The following PTPRD variants were observed in gnomAD, a reference collection of about 807,000 sequenced individuals.
PTPRD encodes the protein receptor-type tyrosine-protein phosphatase delta.
PTPRD carries 34 observed loss-of-function variants against 214.5 expected under a neutral mutation model. The observed-to-expected ratio is 0.16, with a 90% CI of 0.12 to 0.21. The LOEUF is 0.21. Among genes scored for constraint, PTPRD ranks in the 10% least tolerant of loss-of-function variants. The probability of loss-of-function intolerance (pLI) is 1.00; values close to 1 mark genes in which losing one functional copy is unlikely to be tolerated. For missense variants in PTPRD, 2,545 were observed against 2,398.7 expected (o/e 1.06, Z -1.27); for synonymous variants, 1,128 against 845.7 (o/e 1.33, Z -5.79).
At chr9:9,593,756 C>A (rs2093005697) in intron 7 of PTPRD, among the ~76,000 whole-genome samples, 1 of 152,018 alleles carries the variant, frequency 6.6e-6, no homozygotes, top group South Asian at 2.1e-4. Context: ...AGTCATTTTT[C>A]ACCTGATTAT....
At chr9:10,211,598 C>T (rs756599056) in intron 3 of PTPRD, among the ~76,000 whole-genome samples, 1 of 152,136 alleles carries the variant, frequency 6.6e-6, no homozygotes, top group African/African-American at 2.4e-5. Context: ...CAGAGGAACT[C>T]GTTAAAGATA....
rs971872752 is a variant in PTPRD at position 10,075,445 on chromosome 9, T to A, written c.-544-41655A>T. 7.2e-5 allele frequency among the ~76,000 whole-genome samples: 11 copies of A among 152,152 alleles called. No individual in the cohort carries two copies. In the East Asian group the frequency reaches 1.5e-3, roughly 21 times the overall value. On this transcript the variant is annotated intron_variant, in intron 3 of 45. Coordinates refer to ENST00000381196, the MANE Select transcript of PTPRD (RefSeq NM_002839.4). The stretch of plus-strand genomic sequence containing the variant: ...TTCCACAGTATTTCTCATCTTGTTA[T>A]TGATATAACTTTTTATAACTTATTT...
At chr9:9,221,141 G>C (rs2099955719) in intron 9 of PTPRD, among the ~76,000 whole-genome samples, 1 of 152,070 alleles carries the variant, frequency 6.6e-6, no homozygotes, top group Non-Finnish European at 1.5e-5. Context: ...AAGGCTTTAA[G>C]AGATTGCCTC....
intron 2 of PTPRD, among the ~76,000 whole-genome samples, chr9:10,558,450 T>G (rs1566927616): frequency 6.6e-6 from 1 of 152,128 alleles, no homozygotes; most frequent in Non-Finnish European, 1.5e-5. Context: ...GAGATGTACC[T>G]TCATACACAT....
At chr9:10,026,029 C>T (rs144141450) in intron 4 of PTPRD, among the ~76,000 whole-genome samples, 1 of 152,308 alleles carries the variant, frequency 6.6e-6, no homozygotes, top group African/African-American at 2.4e-5. Context: ...CAGTAGAGTT[C>T]ACCACTTGCA....
chr9:9,250,309 T>A (rs915114525), intron 9 of PTPRD, among the ~76,000 whole-genome samples: 3 of 152,090 alleles, frequency 2.0e-5, no homozygotes, highest in African/African-American at 7.2e-5. Flanking sequence ...GGCAAAAACA[T>A]CTCATCTGTG....
At chr9:9,898,991 C>A (rs543492363) in intron 5 of PTPRD, among the ~76,000 whole-genome samples, 1 of 151,934 alleles carries the variant, frequency 6.6e-6, no homozygotes, top group Non-Finnish European at 1.5e-5. Flanking sequence ...AACAAATCCC[C>A]AAAAAACTAC....
chr9:9,239,344 G>A (rs1291732434), intron 9 of PTPRD, among the ~76,000 whole-genome samples: 3 of 152,102 alleles, frequency 2.0e-5, no homozygotes, highest in East Asian at 1.9e-4. Context: ...AATGTCTTCT[G>A]AATTGTCAGC....
At chr9:10,363,989 G>A (rs992076868) in intron 2 of PTPRD, among the ~76,000 whole-genome samples, 9 of 38,056 alleles carry the variant, frequency 2.4e-4, no homozygotes, top group Non-Finnish European at 3.4e-4. Context: ...CCACATTTTC[G>A]GGTTTTTTTT....
chr9:8,755,528 T>C (rs1229079702), intron 11 of PTPRD, among the ~76,000 whole-genome samples: 5 of 119,580 alleles, frequency 4.2e-5, no homozygotes, highest in African/African-American at 2.2e-4. Context: ...AAACTCTGTC[T>C]CAAAAAAAAA....
At chr9:9,792,067 TAAAA>T (rs940130174) in intron 5 of PTPRD, among the ~76,000 whole-genome samples, 1 of 151,830 alleles carries the variant, frequency 6.6e-6, no homozygotes, top group Non-Finnish European at 1.5e-5. Context: ...CTCCAAGGAT[TAAAA>T]AAAATGTTTT....
At chr9:9,104,014 G>A (rs752594845) in intron 10 of PTPRD, among the ~76,000 whole-genome samples, 6 of 151,932 alleles carry the variant, frequency 3.9e-5, no homozygotes, top group Non-Finnish European at 7.4e-5. Flanking sequence ...AAAAGATGAA[G>A]CAGTTCTTCC....
chr9:8,538,350 T>A (rs1264832610), intron 14 of PTPRD, among the ~76,000 whole-genome samples: 1 of 151,880 alleles, frequency 6.6e-6, no homozygotes, highest in Non-Finnish European at 1.5e-5. Context: ...AAGACAAAAA[T>A]AGTAAACAAG....
chr9:8,701,137 G>T (rs1314053176), intron 12 of PTPRD, among the ~76,000 whole-genome samples: 2 of 151,982 alleles, frequency 1.3e-5, no homozygotes. Context: ...CTCCAGCCTG[G>T]ACGACAAAGC....
At chr9:9,260,104 T>C (rs539139919) in intron 9 of PTPRD, among the ~76,000 whole-genome samples, 1 of 151,852 alleles carries the variant, frequency 6.6e-6, no homozygotes, top group Non-Finnish European at 1.5e-5. Context: ...CATTGTGAAA[T>C]ATATTTTCTA....
chr9:9,962,180 A>G (rs773681321), intron 4 of PTPRD, among the ~76,000 whole-genome samples: 1 of 152,120 alleles, frequency 6.6e-6, no homozygotes, highest in Non-Finnish European at 1.5e-5. Flanking sequence ...AAACCAAGCA[A>G]TGAAGGCTGA....
At position 9,201,812 on chromosome 9, in the gene PTPRD, T is replaced by G. The variant is rs137902993; in HGVS notation, c.-202-18449A>C. Among the ~76,000 whole-genome samples the G allele has an allele frequency of 9.3e-3, 1,410 of 152,250 alleles. 19 individuals carry two copies. Among genetic ancestry groups the G allele is most frequent in the African/African-American group, 0.033 (1,364 of 41,544 alleles). On this transcript the variant is annotated intron_variant, in intron 9 of 45. Coordinates refer to ENST00000381196, the MANE Select transcript of PTPRD (RefSeq NM_002839.4). ...TTTTGATGTGATAATTATAGCACAG[T>G]CATTAACTCATTTTAATGATAGTTG... is the stretch of plus-strand genomic sequence containing the variant.
chr9:8,867,290 T>G (rs567024426), intron 11 of PTPRD, among the ~76,000 whole-genome samples: 8 of 152,160 alleles, frequency 5.3e-5, no homozygotes, highest in Non-Finnish European at 8.8e-5. Flanking sequence ...CCCTGACTAT[T>G]AAGTCTTTGT....
At chr9:10,127,379 T>A (rs2098827789) in intron 3 of PTPRD, among the ~76,000 whole-genome samples, 1 of 152,222 alleles carries the variant, frequency 6.6e-6, no homozygotes. Flanking sequence ...AAGCACTTCA[T>A]AATTCTACAA....
Sources: allele counts gnomAD v4.1 joint callset (sites outside exome capture counted in the v4.1 genomes callset), GRCh38; gene constraint gnomAD v4.1.1; transcripts MANE v1.5; gene names NCBI Gene and HGNC (gene_info 2026-07-23, HGNC 2026-07-21).